RUFY2: variants seen among roughly 807,000 people sequenced by gnomAD.
RUFY2 encodes RUN and FYVE domain-containing protein 2.
RUFY2 carries 49 observed loss-of-function variants against 94.4 expected under a neutral mutation model. The observed-to-expected ratio is 0.52, with a 90% CI of 0.41 to 0.66. RUFY2 has a LOEUF of 0.66. RUFY2 is among the 30% of genes least tolerant of loss of function. The pLI is 0.00. For synonymous variants in RUFY2, 255 were observed against 235.7 expected (o/e 1.08, Z -0.75); for missense variants, 541 against 692.8 (o/e 0.78, Z 2.46).
At chr10:68,380,449 T>G (rs1478879087) in intron 11 of RUFY2, among the ~76,000 whole-genome samples, 2 of 151,756 alleles carry the variant, frequency 1.3e-5, no homozygotes, top group Admixed American at 6.6e-5. Context: ...AAACTCCACC[T>G]TCAATATTTT....
At position 68,379,480 on chromosome 10, in the gene RUFY2, G is replaced by A. The variant is rs748811294; in HGVS notation, c.1149C>T (p.Ala383=). The change falls in exon 12 of 18, where the codon GCC becomes GCT. Residue 383 remains alanine (A), a synonymous_variant. Coordinates refer to ENST00000602465, the MANE Select transcript of RUFY2 (RefSeq NM_001330103.2). ...TTTTATTGGTTTTTTCTTCTAGTCG[G>A]GCAATTATTTCATTTTTTTCTTTCA... ...DGLKEKNEII[A]RLEEKTNKIT... is the part of the protein sequence containing the mutation. 2.6e-5 allele frequency: 42 copies of A among 1,612,444 alleles called. No individual in the cohort carries two copies. In the East Asian group the frequency reaches 9.2e-4, roughly 35 times the overall value.
At chr10:68,350,070 T>C (rs2132296698) in intron 16 of RUFY2, among the ~76,000 whole-genome samples, 1 of 152,136 alleles carries the variant, frequency 6.6e-6, no homozygotes, top group South Asian at 2.1e-4. Flanking sequence ...AATGCAGTAG[T>C]GGGATCTCAG....
chr10:68,403,221 AC>A (rs1307197417), intron 2 of RUFY2, among the ~76,000 whole-genome samples: 17 of 151,158 alleles, frequency 1.1e-4, no homozygotes, highest in Admixed American at 8.6e-4. Flanking sequence ...GAAAAAAAAA[AC>A]AGAAAAGGGA....
chr10:68,365,829 G>A (rs1226454310), intron 13 of RUFY2, among the ~76,000 whole-genome samples: 3 of 152,114 alleles, frequency 2.0e-5, no homozygotes, highest in Admixed American at 2.0e-4. Context: ...AGGACTTACT[G>A]TGTATGTTAC....
chr10:68,383,676 G>C, intron 10 of RUFY2, 122 bp downstream of exon 10: 1 of 706,316 alleles, frequency 1.4e-6, no homozygotes, highest in Non-Finnish European at 2.5e-6. Context: ...GAAGATTAAG[G>C]GGTGAGCTTG....
At chr10:68,387,358 A>C (rs1335220406) in intron 7 of RUFY2, among the ~76,000 whole-genome samples, 2 of 151,114 alleles carry the variant, frequency 1.3e-5, no homozygotes, top group East Asian at 1.9e-4. Context: ...ACTCCATCTC[A>C]AAAAAAAAGA....
chr10:68,364,142 CA>C (rs1024093591), intron 13 of RUFY2, 29 bp from the exon 14 acceptor site: 1 of 1,597,794 alleles, frequency 6.3e-7, no homozygotes, highest in African/African-American at 1.3e-5. Context: ...CACAGAAGCT[CA>C]GTGCTATTTC....
At chr10:68,386,646 C>T (rs1019770745) in intron 7 of RUFY2, among the ~76,000 whole-genome samples, 1 of 152,104 alleles carries the variant, frequency 6.6e-6, no homozygotes, top group Admixed American at 6.6e-5. Flanking sequence ...AGCACCCGGC[C>T]TACTCATTTT....
downstream of RUFY2, chr10:68,342,232 GT>G: frequency 1.9e-6 from 1 of 515,684 alleles, no homozygotes; most frequent in East Asian, 3.2e-5. Context: ...AGGTTTATTT[GT>G]TGCATACTTT....
At chr10:68,388,635 A>G (rs2049717046) in intron 7 of RUFY2, among the ~76,000 whole-genome samples, 1 of 151,930 alleles carries the variant, frequency 6.6e-6, no homozygotes, top group Non-Finnish European at 1.5e-5. Context: ...CAGAAGTTTG[A>G]ACCAGCCTGG....
intron 6 of RUFY2, chr10:68,393,822 T>A: frequency 3.6e-6 from 2 of 553,750 alleles, no homozygotes; most frequent in Non-Finnish European, 5.5e-6. Context: ...AAAAAACCAC[T>A]ATTAAAATGG....
chr10:68,341,569 T>C (rs755673454), downstream of RUFY2: 57 of 1,547,816 alleles, frequency 3.7e-5, no homozygotes, highest in Non-Finnish European at 2.2e-5. Context: ...TGTTACTCTT[T>C]CTTTTTTTCT....
intron 2 of RUFY2, 93 bp from the exon 3 acceptor site, chr10:68,401,830 C>A: frequency 1.3e-6 from 1 of 756,220 alleles, no homozygotes; most frequent in Non-Finnish European, 2.3e-6. Flanking sequence ...TCTAACTTAA[C>A]ATACAATTAT....
In RUFY2 at chr10:68,344,911, C is replaced by A. The variant is rs897539840; in HGVS notation, c.*857G>T. The A allele has an allele frequency of 7.9e-5, 12 of 152,076 alleles. No individual in the cohort carries two copies. Among genetic ancestry groups the A allele is most frequent in the African/African-American group, 2.9e-4 (12 of 41,396 alleles). The allele number at this position is 152,076 out of a possible 1,614,324, so 9.4% of individuals were successfully genotyped here. A position where few individuals can be genotyped will look rare whatever the true frequency, so the allele number is the denominator to read the frequency against. On this transcript the variant is annotated 3_prime_UTR_variant, in exon 18 of 18. Transcript: ENST00000602465. ...CCTGATTTTTTTCTCACTTTTAATG[C>A]TTAGAGGAGAGGACCTTTATAAGGA...
At chr10:68,405,462 G>GT (rs2051217357) in intron 1 of RUFY2, 3 of 977,168 alleles carry the variant, frequency 3.1e-6, no homozygotes, top group Non-Finnish European at 3.6e-6. Context: ...TAGAGAATGA[G>GT]TTTTTTAAAA....
intron 13 of RUFY2, among the ~76,000 whole-genome samples, chr10:68,368,531 T>C (rs977497455): frequency 1.3e-4 from 19 of 151,738 alleles, no homozygotes; most frequent in African/African-American, 4.1e-4. Flanking sequence ...TGGTGGCACA[T>C]GCTTGTAATC....
intron 13 of RUFY2, among the ~76,000 whole-genome samples, chr10:68,365,558 C>G (rs530054664): frequency 6.6e-6 from 1 of 152,274 alleles, no homozygotes; most frequent in African/African-American, 2.4e-5. Flanking sequence ...CACCAGAGAG[C>G]CTGAACTGTA....
chr10:68,386,974 A>G (rs192804475), intron 7 of RUFY2, among the ~76,000 whole-genome samples: 1 of 152,270 alleles, frequency 6.6e-6, no homozygotes, highest in East Asian at 1.9e-4. Flanking sequence ...CTGTCTTTCA[A>G]AGGAAATAGT....
intron 13 of RUFY2, among the ~76,000 whole-genome samples, chr10:68,366,067 C>T (rs1439949615): frequency 6.6e-6 from 1 of 152,018 alleles, no homozygotes; most frequent in South Asian, 2.1e-4. Context: ...TGGCTCATGC[C>T]TGTAATCACA....
Sources: allele counts gnomAD v4.1 joint callset (sites outside exome capture counted in the v4.1 genomes callset), GRCh38; gene constraint gnomAD v4.1.1; transcripts MANE v1.5; gene names NCBI Gene and HGNC (gene_info 2026-07-23, HGNC 2026-07-21).